TRIO: variants seen among roughly 807,000 people sequenced by gnomAD.
TRIO encodes trio Rho guanine nucleotide exchange factor.
A neutral mutation model predicts 351.9 loss-of-function variants in TRIO; 58 were observed. The observed-to-expected ratio is 0.16, with a 90% CI of 0.13 to 0.21. The LOEUF (loss-of-function observed/expected upper bound fraction) is 0.21, where lower values mean the gene tolerates loss of function less well. TRIO is among the 10% of genes least tolerant of loss of function. The pLI is 1.00. For synonymous variants in TRIO, 1,758 were observed against 1,595.7 expected (o/e 1.10, Z -2.42); for missense variants, 3,201 against 4,027.8 (o/e 0.79, Z 5.56).
chr5:14,280,261 GATAAC>G, intron 2 of TRIO, 56 bp from the exon 3 acceptor site: 1 of 1,500,328 alleles, frequency 6.7e-7, no homozygotes, highest in Non-Finnish European at 9.3e-7. Flanking sequence ...GTGAATGGAT[GATAAC>G]ATAGGATTTC....
intron 4 of TRIO, among the ~76,000 whole-genome samples, chr5:14,290,367 C>G (rs1736799393): frequency 6.6e-6 from 1 of 152,226 alleles, no homozygotes; most frequent in Non-Finnish European, 1.5e-5. Context: ...TTGCTCTGAA[C>G]TTGCAATTTA....
At chr5:14,285,519 GGT>G (rs1736365201) in intron 3 of TRIO, among the ~76,000 whole-genome samples, 2 of 152,044 alleles carry the variant, frequency 1.3e-5, no homozygotes, top group Admixed American at 1.3e-4. Flanking sequence ...AAGGGAATGG[GGT>G]GTGTGAGTGT....
At position 14,497,157 on chromosome 5, in the gene TRIO, G is replaced by T. The variant is rs1236776644; in HGVS notation, c.8019+140G>T. 1.6e-6 allele frequency: 2 copies of T among 1,279,178 alleles called. No homozygotes were observed. The highest frequency in any genetic ancestry group is 1.1e-6 in the Non-Finnish European group (1 of 944,844). 79.2% of individuals were successfully genotyped at this position (1,279,178 alleles called of 1,614,324 possible). On this transcript the variant is annotated intron_variant, in intron 50 of 56. Transcript: ENST00000344204. This position sits in a 1 kb window ranked among gnomAD's most constrained non-coding sequence, Gnocchi z 4.4. ...ACCAGCCCCGTGCCCTGCGTGTCCTGTAGGGTCTTGTTAGGGGCACTATGC... is the reference window on the plus strand; with the variant it reads ...ACCAGCCCCGTGCCCTGCGTGTCCTTTAGGGTCTTGTTAGGGGCACTATGC...
intron 1 of TRIO, among the ~76,000 whole-genome samples, chr5:14,267,162 C>G (rs897968839): frequency 7.2e-5 from 11 of 152,116 alleles, no homozygotes; most frequent in African/African-American, 2.7e-4. Context: ...CTCTGGTTAT[C>G]TCCTCTCAAG....
At chr5:14,331,126 A>ACGATGTT (rs1740870748) in intron 10 of TRIO, among the ~76,000 whole-genome samples, 1 of 152,232 alleles carries the variant, frequency 6.6e-6, no homozygotes. Flanking sequence ...CAGAAATGTG[A>ACGATGTT]CTTGGGTGTT....
intron 1 of TRIO, among the ~76,000 whole-genome samples, chr5:14,221,286 C>G (rs553912030): frequency 1.3e-5 from 2 of 152,094 alleles, no homozygotes; most frequent in Non-Finnish European, 2.9e-5. Context: ...CCCAAGAGCT[C>G]TTGTGTAGAT....
intron 1 of TRIO, among the ~76,000 whole-genome samples, chr5:14,245,452 G>A (rs910705897): frequency 6.6e-6 from 1 of 152,174 alleles, no homozygotes; most frequent in Non-Finnish European, 1.5e-5. Flanking sequence ...TCCTCCACTT[G>A]TAGATGAAGA....
At chr5:14,493,752 C>T (rs182504980) in intron 49 of TRIO, among the ~76,000 whole-genome samples, 58 of 152,280 alleles carry the variant, frequency 3.8e-4, no homozygotes, top group Non-Finnish European at 4.9e-4. Flanking sequence ...GGATATAGGC[C>T]GAAAGCTAAG....
At chr5:14,189,286 A>G (rs539027173) in intron 1 of TRIO, among the ~76,000 whole-genome samples, 2 of 152,310 alleles carry the variant, frequency 1.3e-5, no homozygotes, top group African/African-American at 4.8e-5. Flanking sequence ...TAACACTTTG[A>G]TGCTCCTGTC....
chr5:14,215,140 T>C (rs1403189879), intron 1 of TRIO, among the ~76,000 whole-genome samples: 5 of 152,264 alleles, frequency 3.3e-5, no homozygotes, highest in African/African-American at 4.8e-5. Context: ...TCTACTTCTG[T>C]ACTGATAAAG....
At chr5:14,161,936 C>T (rs1217234072) in intron 1 of TRIO, among the ~76,000 whole-genome samples, 1 of 152,178 alleles carries the variant, frequency 6.6e-6, no homozygotes, top group Non-Finnish European at 1.5e-5. Context: ...CCAGGCAGGT[C>T]TCAACCTCCT....
At chr5:14,435,602 T>C (rs1336509752) in intron 34 of TRIO, among the ~76,000 whole-genome samples, 3 of 152,248 alleles carry the variant, frequency 2.0e-5, no homozygotes, top group African/African-American at 7.2e-5. Context: ...TGGTATTTCA[T>C]AGTTTCCTCA....
intron 25 of TRIO, 121 bp downstream of exon 25, chr5:14,389,519 T>C (rs1232754181): frequency 2.9e-6 from 2 of 680,780 alleles, no homozygotes; most frequent in Non-Finnish European, 4.8e-6. Context: ...TCCATTTGAA[T>C]GAAGCCTATC....
intron 1 of TRIO, among the ~76,000 whole-genome samples, chr5:14,259,131 G>A (rs1339472172): frequency 6.6e-6 from 1 of 152,170 alleles, no homozygotes; most frequent in African/African-American, 2.4e-5. Flanking sequence ...CGCCTCCAGC[G>A]GTCACTTTCG....
chr5:14,206,173 A>G (rs926263819), intron 1 of TRIO, among the ~76,000 whole-genome samples: 2 of 152,008 alleles, frequency 1.3e-5, no homozygotes, highest in Non-Finnish European at 1.5e-5. Flanking sequence ...TGATCCTTCC[A>G]CCTCAGCCTC....
chr5:14,291,178 A>C lies in TRIO; in HGVS notation c.1003A>C (p.Lys335Gln). The C allele has an allele frequency of 6.2e-7, 1 of 1,614,156 alleles. No homozygotes were observed. Among genetic ancestry groups the C allele is most frequent in the Non-Finnish European group, 8.5e-7 (1 of 1,180,016 alleles). Residue 335 changes from lysine (K) to glutamine (Q), a missense_variant, in exon 5 of 57, where the codon AAG becomes CAG. This residue lies in a region of TRIO where 349 missense variants were observed against 449.3 expected (regional missense o/e 0.78). Coordinates refer to ENST00000344204, the MANE Select transcript of TRIO (RefSeq NM_007118.4). ...CCAGATGTGGCATGTGAGGAAGCTG[A>C]AGCTGGACCAGTGCTTCCAGCTGAG... is the stretch of plus-strand genomic sequence containing the variant. The part of the protein sequence containing the change: ...LHQMWHVRKL[K>Q]LDQCFQLRLF...
rs191005569 is a variant in TRIO at position 14,357,957 on chromosome 5, G to A, written c.2047-221G>A. On this transcript the variant is annotated intron_variant, in intron 11 of 56. Coordinates refer to ENST00000344204, the MANE Select transcript of TRIO (RefSeq NM_007118.4). The stretch of plus-strand genomic sequence containing the variant: ...TTCGCCTGTTTATTTTCCTCCCTGC[G>A]GCGGTGGCATGCTGCTTTTGTTGTG... Among the ~76,000 whole-genome samples the A allele has an allele frequency of 4.6e-5, 7 of 152,166 alleles. No homozygotes were observed. In the East Asian group the frequency reaches 7.8e-4, roughly 17 times the overall value.
intron 11 of TRIO, among the ~76,000 whole-genome samples, chr5:14,351,453 C>T (rs1313068735): frequency 2.0e-5 from 3 of 152,308 alleles, no homozygotes; most frequent in South Asian, 2.1e-4. Flanking sequence ...TTTCATACTT[C>T]CCCTGCTGGC....
At position 14,502,629 on chromosome 5, in the gene TRIO, T is replaced by C. The variant is rs944775553; in HGVS notation, c.8383T>C (p.Phe2795Leu). The change falls in exon 54 of 57, where the codon TTC becomes CTC. Residue 2795 changes from phenylalanine (F) to leucine (L), a missense_variant. By Grantham distance (22) the Phe-to-Leu change is conservative. Around this residue, in one of 19 missense-constraint regions of TRIO, gnomAD observed 1,089 missense variants for 954.9 expected, o/e 1.14. Coordinates refer to ENST00000344204, the MANE Select transcript of TRIO (RefSeq NM_007118.4). ...GACCTGGAAAGACAACTTTGACTCCTTCTACAGTGAAGTGGCTGAGCTTGG... is the reference window on the plus strand; with the variant it reads ...GACCTGGAAAGACAACTTTGACTCCCTCTACAGTGAAGTGGCTGAGCTTGG... ...MVTWKDNFDSFYSEVAELGRG... is the reference protein window; with the variant it reads ...MVTWKDNFDSLYSEVAELGRG... 5.6e-6 allele frequency: 9 copies of C among 1,614,078 alleles called. No individual in the cohort carries two copies. In the African/African-American group the frequency reaches 1.2e-4, roughly 22 times the overall value.
Sources: gnomAD v4.1 joint callset for allele counts (sites outside exome capture counted in the v4.1 genomes callset) on GRCh38, gnomAD v4.1.1 for gene constraint, gnomAD v4.1.1 regional missense constraint, Gnocchi (gnomAD v3.1) non-coding constraint, MANE v1.5 for transcripts, NCBI Gene and HGNC (gene_info 2026-07-23, HGNC 2026-07-21) for gene names.